The following AUTS2 variants were observed in gnomAD, a reference collection of about 807,000 sequenced individuals.
AUTS2 encodes the protein activator of transcription and developmental regulator AUTS2, also known as autism susceptibility gene 2 protein.
AUTS2 carries 17 observed loss-of-function variants against 112.4 expected under a neutral mutation model. The observed-to-expected ratio is 0.15, with a 90% CI of 0.10 to 0.23. AUTS2 has a LOEUF of 0.23. AUTS2 is among the 10% of genes least tolerant of loss of function. The pLI is 1.00. For missense variants in AUTS2, 1,510 were observed against 1,701.6 expected (o/e 0.89, Z 1.98); for synonymous variants, 751 against 702.7 (o/e 1.07, Z -1.09).
chr7:70,416,516 C>T (rs1794994028), intron 4 of AUTS2, among the ~76,000 whole-genome samples: 2 of 152,228 alleles, frequency 1.3e-5, no homozygotes, highest in Admixed American at 1.3e-4. Context: ...CACCTGGCCA[C>T]AGTAGCAGGC....
intron 5 of AUTS2, among the ~76,000 whole-genome samples, chr7:70,689,510 C>T (rs1185013777): frequency 2.0e-5 from 3 of 152,134 alleles, no homozygotes; most frequent in East Asian, 1.9e-4. Flanking sequence ...GGCACGGTGG[C>T]TCATGCCTGT....
intron 1 of AUTS2, among the ~76,000 whole-genome samples, chr7:69,634,122 A>ATTTT (rs1387733506): frequency 6.9e-6 from 1 of 145,770 alleles, no homozygotes. Context: ...AGACTTGATT[A>ATTTT]TTATTTTTTT....
intron 1 of AUTS2, among the ~76,000 whole-genome samples, chr7:69,794,386 C>T (rs144575175): frequency 3.9e-5 from 6 of 152,162 alleles, no homozygotes; most frequent in Middle Eastern, 6.8e-3. Flanking sequence ...TTGCTGGGCC[C>T]CTGTGGGAAT....
rs549943016 is a variant in AUTS2 at position 70,651,204 on chromosome 7, T to C, written c.691-47365T>C. Among the ~76,000 whole-genome samples the C allele has an allele frequency of 2.5e-3, 382 of 152,324 alleles. 2 individuals are homozygous for C. The highest frequency in any genetic ancestry group is 6.8e-3 in the Middle Eastern group (2 of 294). Reference sequence around the variant, plus strand: ...ATTATTTCCGCTATATAGATAAGGATCATGACATACAAAGAAGTTAAATAA... The same window carrying C: ...ATTATTTCCGCTATATAGATAAGGACCATGACATACAAAGAAGTTAAATAA... On this transcript the variant is annotated intron_variant, in intron 5 of 18. Transcript: ENST00000342771.
intron 6 of AUTS2, among the ~76,000 whole-genome samples, chr7:70,720,189 G>A (rs894521386): frequency 1.5e-5 from 2 of 137,452 alleles, no homozygotes; most frequent in Admixed American, 1.5e-4. Flanking sequence ...TCTTTTTGTT[G>A]TTGTTTTCTT....
chr7:69,928,421 C>T (rs543619189), intron 2 of AUTS2, among the ~76,000 whole-genome samples: 1 of 152,312 alleles, frequency 6.6e-6, no homozygotes, highest in South Asian at 2.1e-4. Context: ...CTGCCTCCTG[C>T]CGTGATCAAC....
chr7:70,491,863 CCT>C (rs1798260878), intron 5 of AUTS2, among the ~76,000 whole-genome samples: 3 of 152,120 alleles, frequency 2.0e-5, no homozygotes, highest in Admixed American at 2.0e-4. Flanking sequence ...AATCCGCCCG[CCT>C]CGGCCTCCCA....
chr7:70,062,786 G>A (rs1277992052), intron 2 of AUTS2, among the ~76,000 whole-genome samples: 2 of 152,176 alleles, frequency 1.3e-5, no homozygotes, highest in African/African-American at 4.8e-5. Flanking sequence ...GAACTCTGTT[G>A]TTTTGAATTA....
At chr7:70,537,283 G>A (rs1345648156) in intron 5 of AUTS2, among the ~76,000 whole-genome samples, 1 of 152,200 alleles carries the variant, frequency 6.6e-6, no homozygotes, top group Non-Finnish European at 1.5e-5. Flanking sequence ...ACCAAGATGT[G>A]TGTAGCTACA....
At chr7:69,922,947 AT>A (rs1230559037) in intron 2 of AUTS2, among the ~76,000 whole-genome samples, 2 of 152,194 alleles carry the variant, frequency 1.3e-5, no homozygotes, top group African/African-American at 4.8e-5. Context: ...AATGAAGTGA[AT>A]TTTTGTATTT....
intron 4 of AUTS2, among the ~76,000 whole-genome samples, chr7:70,372,050 A>C (rs1240312020): frequency 6.6e-6 from 1 of 152,236 alleles, no homozygotes; most frequent in Non-Finnish European, 1.5e-5. Flanking sequence ...CTCTTCTGCT[A>C]GTTTGGCACC....
intron 1 of AUTS2, among the ~76,000 whole-genome samples, chr7:69,615,138 C>T (rs2851511): frequency 0.61 from 93,405 of 151,966 alleles, 29,031 homozygotes; most frequent in East Asian, 0.71. Context: ...GTCTTTTTAA[C>T]TGTTCCTTGT....
chr7:70,118,037 C>T (rs1393855028), intron 2 of AUTS2, 95 bp from the exon 3 acceptor site: 14 of 1,388,268 alleles, frequency 1.0e-5, no homozygotes, highest in Non-Finnish European at 1.2e-5. Flanking sequence ...CGTGAGCCAC[C>T]GTGCCTGGCT....
chr7:69,658,543 T>G (rs1795646409), intron 1 of AUTS2, among the ~76,000 whole-genome samples: 1 of 152,226 alleles, frequency 6.6e-6, no homozygotes, highest in Admixed American at 6.5e-5. Flanking sequence ...TTCTAGGTTC[T>G]GAACCTACTA....
intron 2 of AUTS2, among the ~76,000 whole-genome samples, chr7:69,904,450 C>A (rs1795080225): frequency 6.6e-6 from 1 of 152,168 alleles, no homozygotes; most frequent in African/African-American, 2.4e-5. Context: ...AGGTATTTAT[C>A]CAGCTTGACT....
At chr7:69,776,113 T>C (rs62457238) in intron 1 of AUTS2, among the ~76,000 whole-genome samples, 2,227 of 152,330 alleles carry the variant, frequency 0.015, 31 homozygotes, top group South Asian at 0.022. Context: ...CGTCATCATA[T>C]GACTAATGTC....
intron 4 of AUTS2, among the ~76,000 whole-genome samples, chr7:70,137,803 T>C (rs1806649779): frequency 6.6e-6 from 1 of 152,226 alleles, no homozygotes; most frequent in African/African-American, 2.4e-5. Context: ...GGAGCAAAGT[T>C]GGTCTCATCA....
intron 10 of AUTS2, 32 bp downstream of exon 10, chr7:70,768,100 G>GTAAC (rs1790051799): frequency 6.3e-7 from 1 of 1,577,638 alleles, no homozygotes; most frequent in Non-Finnish European, 8.6e-7. Flanking sequence ...CACATTGAAT[G>GTAAC]TAACTGCTTT....
chr7:70,005,844 A>T (rs1440939560), intron 2 of AUTS2, among the ~76,000 whole-genome samples: 1 of 128,048 alleles, frequency 7.8e-6, no homozygotes, highest in African/African-American at 2.6e-5. Context: ...GCATGTTCCA[A>T]AGTTTTTTGA....
Sources: allele counts gnomAD v4.1 joint callset (sites outside exome capture counted in the v4.1 genomes callset), GRCh38; gene constraint gnomAD v4.1.1; transcripts MANE v1.5; gene names NCBI Gene and HGNC (gene_info 2026-07-23, HGNC 2026-07-21).